MBOAT2: variants seen among roughly 807,000 people sequenced by gnomAD.
The protein encoded by MBOAT2 is membrane-bound glycerophospholipid O-acyltransferase 2.
In MBOAT2, 28 loss-of-function variants were observed where a neutral mutation model predicts 63.4. The ratio of observed to expected loss-of-function variants is 0.44; its 90% CI spans 0.33 to 0.61. MBOAT2 has a LOEUF of 0.61. Ranked by LOEUF, MBOAT2 falls within the 20% of genes least tolerant of loss-of-function variation. The pLI is 0.03. For missense variants in MBOAT2, 470 were observed against 605.8 expected, an observed-to-expected ratio of 0.78 and a Z score of 2.35; for synonymous variants, 211 against 215.6, an observed-to-expected ratio of 0.98 and a Z score of 0.19.
intron 1 of MBOAT2, among the ~76,000 whole-genome samples, chr2:8,959,852 T>C (rs1048163973): frequency 9.2e-5 from 14 of 152,148 alleles, no homozygotes; most frequent in African/African-American, 2.9e-4. Flanking sequence ...AAAAAATCCA[T>C]TGACATTAGG....
At chr2:8,931,835 A>C (rs1311656692) in intron 3 of MBOAT2, among the ~76,000 whole-genome samples, 5 of 152,128 alleles carry the variant, frequency 3.3e-5, no homozygotes, top group Non-Finnish European at 7.4e-5. Context: ...CCATTTATTA[A>C]ATAGGGAATC....
chr2:8,982,152 A>G (rs1402765206), intron 1 of MBOAT2, among the ~76,000 whole-genome samples: 2 of 152,162 alleles, frequency 1.3e-5, no homozygotes, highest in Non-Finnish European at 2.9e-5. Context: ...TACCTGGCAC[A>G]TGAAAACGCT....
chr2:8,948,668 T>C (rs887451316), intron 2 of MBOAT2, among the ~76,000 whole-genome samples: 1 of 152,238 alleles, frequency 6.6e-6, no homozygotes, highest in African/African-American at 2.4e-5. Context: ...GCAAAGGGCA[T>C]GATTTCCTTC....
Position 8,858,498 on chromosome 2 carries a change from A to G in MBOAT2, c.*181T>C. On this transcript the variant is annotated 3_prime_UTR_variant, in exon 13 of 13. Coordinates refer to ENST00000305997, the MANE Select transcript of MBOAT2 (RefSeq NM_138799.4). ...TACATAAGGCGTGGCCCACGGAGAC[A>G]TGGCATGGGAGGGCTTGTTTCACTC... The G allele has an allele frequency of 1.8e-6, 1 of 550,250 alleles. No homozygotes were observed. Among genetic ancestry groups the G allele is most frequent in the East Asian group, 2.9e-5 (1 of 34,950 alleles). 34.1% of individuals were successfully genotyped at this position (550,250 alleles called of 1,614,324 possible).
chr2:8,968,153 C>A (rs1294346638), intron 1 of MBOAT2, among the ~76,000 whole-genome samples: 1 of 151,956 alleles, frequency 6.6e-6, no homozygotes, highest in Non-Finnish European at 1.5e-5. Flanking sequence ...TGACACCTCA[C>A]ATGGCCAGGT....
intron 1 of MBOAT2, among the ~76,000 whole-genome samples, chr2:8,961,710 A>G (rs1036563724): frequency 1.3e-5 from 2 of 152,200 alleles, no homozygotes; most frequent in Admixed American, 1.3e-4. Context: ...CCTGTTTCAT[A>G]AGCCACGTTG....
At chr2:8,981,425 T>C (rs1397339647) in intron 1 of MBOAT2, among the ~76,000 whole-genome samples, 2 of 152,176 alleles carry the variant, frequency 1.3e-5, no homozygotes, top group Non-Finnish European at 2.9e-5. Flanking sequence ...CAAGATGAAA[T>C]ACAGATATGC....
chr2:8,909,057 A>G (rs1573022119), intron 3 of MBOAT2, among the ~76,000 whole-genome samples: 1 of 152,320 alleles, frequency 6.6e-6, no homozygotes, highest in East Asian at 1.9e-4. Context: ...GTTAGCACAA[A>G]AATATTTGGC....
intron 1 of MBOAT2, among the ~76,000 whole-genome samples, chr2:8,960,806 T>C (rs1469471177): frequency 6.6e-6 from 1 of 152,106 alleles, no homozygotes; most frequent in East Asian, 1.9e-4. Context: ...CCCAAAAATA[T>C]GTATAAAAAA....
intron 4 of MBOAT2, among the ~76,000 whole-genome samples, chr2:8,896,193 C>T (rs1009215540): frequency 2.1e-5 from 3 of 143,646 alleles, no homozygotes; most frequent in East Asian, 2.0e-4. Context: ...GAGCCGAGAT[C>T]GAGCCATTGC....
At chr2:8,975,420 T>C (rs1405993046) in intron 1 of MBOAT2, among the ~76,000 whole-genome samples, 1 of 152,144 alleles carries the variant, frequency 6.6e-6, no homozygotes, top group Non-Finnish European at 1.5e-5. Context: ...ACAAATTTTA[T>C]TCATCTATGC....
At chr2:8,973,553 A>T (rs1243237145) in intron 1 of MBOAT2, among the ~76,000 whole-genome samples, 2 of 88,840 alleles carry the variant, frequency 2.3e-5, no homozygotes, top group African/African-American at 1.9e-4. Flanking sequence ...AACTCAAGCT[A>T]AAAAAAAAAA....
chr2:8,957,114 T>C (rs1477026025), intron 2 of MBOAT2, among the ~76,000 whole-genome samples: 2 of 152,068 alleles, frequency 1.3e-5, no homozygotes, highest in African/African-American at 2.4e-5. Context: ...CAAAAATAAG[T>C]TGGAGAAAGG....
intron 1 of MBOAT2, among the ~76,000 whole-genome samples, chr2:8,976,197 A>G (rs957319241): frequency 1.9e-4 from 29 of 152,134 alleles, no homozygotes; most frequent in African/African-American, 5.1e-4. Flanking sequence ...TCCCAAATGC[A>G]TGGAAACAGA....
intron 1 of MBOAT2, among the ~76,000 whole-genome samples, chr2:8,963,111 C>G (rs1669729803): frequency 2.0e-5 from 3 of 151,858 alleles, no homozygotes; most frequent in African/African-American, 7.3e-5. Context: ...TGGTGGTGCA[C>G]ACCAGTAGTC....
intron 3 of MBOAT2, among the ~76,000 whole-genome samples, chr2:8,912,186 A>C (rs1423885210): frequency 6.6e-6 from 1 of 151,972 alleles, no homozygotes; most frequent in East Asian, 1.9e-4. Context: ...GGAACAAGAC[A>C]AGGATGCCCA....
chr2:9,001,100 G>A (rs1407862100), intron 1 of MBOAT2, among the ~76,000 whole-genome samples: 1 of 151,958 alleles, frequency 6.6e-6, no homozygotes, highest in Non-Finnish European at 1.5e-5. Context: ...AGGTCTTCAG[G>A]GGCAATAACA....
rs1404705372 is a variant in MBOAT2 at position 8,958,633 on chromosome 2, C to T, written c.85G>A (p.Val29Ile). 1 of 1,570,042 alleles carries T rather than the reference C, an allele frequency of 6.4e-7. No individual in the cohort carries two copies. Among genetic ancestry groups the T allele is most frequent in the Non-Finnish European group, 8.6e-7 (1 of 1,163,998 alleles). ...VQLPIDQVNFVVCQLFALLAA... is the reference protein window; with the variant it reads ...VQLPIDQVNFIVCQLFALLAA... ...AGCAAGGCAAAGAGTTGGCACACTA[C>T]AAAGTTGACCTGTAAAGAAAAATTA... Residue 29 changes from valine to isoleucine, a missense_variant, in exon 2 of 13, where the codon GTA becomes ATA. Around this residue, in one of 3 missense-constraint regions of MBOAT2, gnomAD observed 376 missense variants for 503.8 expected, o/e 0.75. Coordinates refer to ENST00000305997, the MANE Select transcript of MBOAT2 (RefSeq NM_138799.4).
intron 3 of MBOAT2, among the ~76,000 whole-genome samples, chr2:8,915,468 G>T (rs536307701): frequency 1.3e-5 from 2 of 152,128 alleles, no homozygotes; most frequent in Non-Finnish European, 2.9e-5. Flanking sequence ...TAATGACATT[G>T]TTGAGCTGCT....
Sources: gnomAD v4.1 joint callset for allele counts (sites outside exome capture counted in the v4.1 genomes callset) on GRCh38, gnomAD v4.1.1 for gene constraint, gnomAD v4.1.1 regional missense constraint, MANE v1.5 for transcripts, NCBI Gene and HGNC (gene_info 2026-07-23, HGNC 2026-07-21) for gene names.